Variants in FGF5 observed in about 807,000 individuals in gnomAD.
FGF5 encodes the protein fibroblast growth factor 5.
In FGF5, 23 loss-of-function variants were observed where a neutral mutation model predicts 21.8. The ratio of observed to expected loss-of-function variants is 1.05; its 90% CI spans 0.76 to 1.49. The LOEUF is 1.49. Among genes scored for constraint, FGF5 ranks in the 40% most tolerant of loss-of-function variants. The pLI, the probability that FGF5 is intolerant of heterozygous loss-of-function variation, is 0.00. For synonymous variants in FGF5, 158 were observed against 124.0 expected (o/e 1.27, Z -1.82); for missense variants, 352 against 332.9 (o/e 1.06, Z -0.45).
At chr4:80,282,988 A>G (rs1317214958) in intron 2 of FGF5, among the ~76,000 whole-genome samples, 1 of 152,162 alleles carries the variant, frequency 6.6e-6, no homozygotes, top group Non-Finnish European at 1.5e-5. Context: ...GTCCATGCAC[A>G]ACATTATGTA....
chr4:80,280,030 C>G (rs978191127), intron 2 of FGF5, among the ~76,000 whole-genome samples: 1 of 152,186 alleles, frequency 6.6e-6, no homozygotes, highest in South Asian at 2.1e-4. Context: ...GAGTCAGCAG[C>G]CCCTAAAGCT....
chr4:80,279,401 A>T (rs190480777), intron 2 of FGF5, among the ~76,000 whole-genome samples: 15 of 152,316 alleles, frequency 9.8e-5, no homozygotes, highest in Non-Finnish European at 2.2e-4. Context: ...GCTGTTTGAC[A>T]ATCCTTAATC....
intron 2 of FGF5, among the ~76,000 whole-genome samples, chr4:80,275,653 A>C (rs1720391011): frequency 6.6e-6 from 1 of 152,034 alleles, no homozygotes; most frequent in Non-Finnish European, 1.5e-5. Flanking sequence ...ATCAATTCAC[A>C]AACTATTTAT....
At position 80,267,216 on chromosome 4, in the gene FGF5, C is replaced by T. The variant is rs774581850; in HGVS notation, c.355+37C>T. ...GCTCTCCTACAAAACCCGTCCTAGG[C>T]GGCCGCGGAAGATTCGGGAGGGACA... On this transcript the variant is annotated intron_variant, in intron 1 of 2. Coordinates refer to ENST00000312465, the MANE Select transcript of FGF5 (RefSeq NM_004464.4). 2.4e-5 allele frequency: 36 copies of T among 1,520,228 alleles called. No homozygotes were observed. In the South Asian group the frequency reaches 4.3e-4, roughly 18 times the overall value. The allele number at this position is 1,520,228 out of a possible 1,614,324, so 94.2% of individuals were successfully genotyped here.
At chr4:80,282,297 C>T (rs1720575198) in intron 2 of FGF5, among the ~76,000 whole-genome samples, 1 of 152,020 alleles carries the variant, frequency 6.6e-6, no homozygotes, top group South Asian at 2.1e-4. Flanking sequence ...AGTGTGTTTC[C>T]TCTCCTTGTA....
rs1720119077 is a variant in FGF5 at position 80,267,124 on chromosome 4, T to C, written c.300T>C (p.His100=). The C allele has an allele frequency of 6.2e-7, 1 of 1,613,444 alleles. No homozygotes were observed. Among genetic ancestry groups the C allele is most frequent in the East Asian group, 2.2e-5 (1 of 44,686 alleles). The part of the protein sequence containing the change: ...SLYCRVGIGF[H]LQIYPDGKVN... ...ACTGCAGAGTGGGCATCGGTTTCCA[T>C]CTGCAGATCTACCCGGATGGCAAAG... The change falls in exon 1 of 3, where the codon CAT becomes CAC. Residue 100 remains histidine (H), a synonymous_variant. Transcript: ENST00000312465.
chr4:80,270,393 T>C (rs1357487665), intron 1 of FGF5, among the ~76,000 whole-genome samples: 1 of 149,312 alleles, frequency 6.7e-6, no homozygotes, highest in Non-Finnish European at 1.5e-5. Flanking sequence ...AAATTGCAAA[T>C]GTTTTCTGGT....
intron 1 of FGF5, among the ~76,000 whole-genome samples, chr4:80,274,218 C>T (rs1720348832): frequency 6.6e-6 from 1 of 152,100 alleles, no homozygotes; most frequent in East Asian, 1.9e-4. Flanking sequence ...AAAATTTATA[C>T]AACAATGTAA....
At chr4:80,269,783 A>G (rs948807904) in intron 1 of FGF5, among the ~76,000 whole-genome samples, 4 of 150,878 alleles carry the variant, frequency 2.7e-5, no homozygotes, top group Non-Finnish European at 5.9e-5. Flanking sequence ...TTTGTCTTCC[A>G]TAGAGTTTTT....
chr4:80,276,817 C>A (rs1001842139), intron 2 of FGF5, among the ~76,000 whole-genome samples: 6 of 150,962 alleles, frequency 4.0e-5, no homozygotes, highest in African/African-American at 1.5e-4. Context: ...TTAAACACAT[C>A]TAAACGGAAT....
intron 2 of FGF5, among the ~76,000 whole-genome samples, chr4:80,283,643 G>C (rs538382574): frequency 6.6e-6 from 1 of 152,086 alleles, no homozygotes; most frequent in East Asian, 1.9e-4. Context: ...AAATAATGTA[G>C]TACATTGTAA....
rs369761424 is a variant in FGF5 at position 80,289,724 on chromosome 4, A to C, written c.*3052A>C. On this transcript the variant is annotated 3_prime_UTR_variant, in exon 3 of 3. Transcript: ENST00000312465. Reference sequence around the variant, plus strand: ...CTCTTCACTTCCTTCTAAAGAGACTAATTTGAGAGTACAGGTGCATATTAA... The same window carrying C: ...CTCTTCACTTCCTTCTAAAGAGACTCATTTGAGAGTACAGGTGCATATTAA... 6.6e-6 allele frequency: 1 copy of C among 152,104 alleles called. No individual in the cohort carries two copies. Among genetic ancestry groups the C allele is most frequent in the South Asian group, 2.1e-4 (1 of 4,818 alleles). The allele number at this position is 152,104 out of a possible 1,614,324, so 9.4% of individuals were successfully genotyped here. A position where few individuals can be genotyped will look rare whatever the true frequency, so the allele number is the denominator to read the frequency against.
intron 2 of FGF5, among the ~76,000 whole-genome samples, chr4:80,283,560 G>A (rs901165800): frequency 2.0e-5 from 3 of 152,082 alleles, no homozygotes; most frequent in African/African-American, 7.2e-5. Flanking sequence ...GTGTGTGTGT[G>A]CCTGTCATCT....
At chr4:80,280,954 T>C (rs1578296365) in intron 2 of FGF5, among the ~76,000 whole-genome samples, 1 of 152,156 alleles carries the variant, frequency 6.6e-6, no homozygotes, top group Non-Finnish European at 1.5e-5. Context: ...GCAAATTATG[T>C]AAGTGAAGAA....
intron 2 of FGF5, among the ~76,000 whole-genome samples, chr4:80,280,613 T>C (rs1273334522): frequency 1.3e-5 from 2 of 152,204 alleles, no homozygotes; most frequent in Non-Finnish European, 2.9e-5. Flanking sequence ...ATGGATCATT[T>C]TCTTTACTTC....
chr4:80,275,116 A>G, intron 2 of FGF5, 104 bp downstream of exon 2: 2 of 502,122 alleles, frequency 4.0e-6, no homozygotes, highest in Non-Finnish European at 3.5e-6. Flanking sequence ...TGCCCAAAGA[A>G]CTTAACTTTT....
intron 1 of FGF5, among the ~76,000 whole-genome samples, chr4:80,273,863 G>A (rs1246473824): frequency 6.6e-6 from 1 of 151,934 alleles, no homozygotes; most frequent in African/African-American, 2.4e-5. Context: ...TCCTTTCTAA[G>A]ACAGGTCCCT....
At chr4:80,277,717 A>C (rs145623210) in intron 2 of FGF5, among the ~76,000 whole-genome samples, 91 of 152,232 alleles carry the variant, frequency 6.0e-4, no homozygotes, top group African/African-American at 2.0e-3. Flanking sequence ...CTTTAAACTA[A>C]AAATTTTGCG....
intron 2 of FGF5, among the ~76,000 whole-genome samples, chr4:80,280,025 A>G (rs942434507): frequency 2.6e-5 from 4 of 152,236 alleles, no homozygotes; most frequent in African/African-American, 9.6e-5. Flanking sequence ...AAGAGGAGTC[A>G]GCAGCCCCTA....
Sources: allele counts gnomAD v4.1 joint callset (sites outside exome capture counted in the v4.1 genomes callset), GRCh38; gene constraint gnomAD v4.1.1; transcripts MANE v1.5; gene names NCBI Gene and HGNC (gene_info 2026-07-23, HGNC 2026-07-21).